The following FAR2 variants were observed in gnomAD, a reference collection of about 807,000 sequenced individuals.
FAR2 encodes the protein epididymis secretory protein Li 81.
FAR2 carries 19 observed loss-of-function variants against 56.0 expected under a neutral mutation model. That is an observed-to-expected ratio of 0.34 (90% confidence interval 0.24 to 0.50). FAR2 has a LOEUF of 0.50. FAR2 is among the 20% of genes least tolerant of loss of function. The probability of loss-of-function intolerance (pLI) is 0.98; values close to 1 mark genes in which losing one functional copy is unlikely to be tolerated. For synonymous variants in FAR2, 219 were observed against 218.8 expected (o/e 1.00, Z -0.01); for missense variants, 508 against 642.2 (o/e 0.79, Z 2.26).
rs78324406 is a variant in FAR2 at position 29,251,269 on chromosome 12, G to A, written c.-38-19143G>A. Among the ~76,000 whole-genome samples the A allele has an allele frequency of 6.8e-3, 1,033 of 152,284 alleles. 5 individuals carry two copies. The highest frequency in any genetic ancestry group is 0.017 in the Middle Eastern group (5 of 294). On this transcript the variant is annotated intron_variant, in intron 1 of 11. Transcript: ENST00000536681. Reference sequence around the variant, plus strand: ...GACCTAGAACCTTTTGAATGAAGTTGGGGCCAGGTCCCTTGAGGAAGGACC... The same window carrying A: ...GACCTAGAACCTTTTGAATGAAGTTAGGGCCAGGTCCCTTGAGGAAGGACC...
At chr12:29,223,671 G>A (rs1217730769) in intron 1 of FAR2, 1 of 152,172 alleles carries the variant, frequency 6.6e-6, no homozygotes, top group East Asian at 1.9e-4. Flanking sequence ...AGCCCACAGA[G>A]CCTTTCAATT....
intron 2 of FAR2, 195 bp from the exon 3 acceptor site, chr12:29,293,105 G>A (rs914731410): frequency 2.6e-5 from 11 of 416,572 alleles, no homozygotes; most frequent in Non-Finnish European, 4.7e-5. Context: ...GGGCTCAAGT[G>A]ATCTCCCTGC....
At chr12:29,245,136 AGTCC>A (rs1948106294) in intron 1 of FAR2, among the ~76,000 whole-genome samples, 1 of 152,126 alleles carries the variant, frequency 6.6e-6, no homozygotes, top group Admixed American at 6.5e-5. Context: ...ATGCGCCACC[AGTCC>A]CAGCTGATTT....
At chr12:29,268,019 AT>A (rs892544003) in intron 1 of FAR2, among the ~76,000 whole-genome samples, 1 of 152,112 alleles carries the variant, frequency 6.6e-6, no homozygotes, top group Non-Finnish European at 1.5e-5. Flanking sequence ...GTGCTGAAAA[AT>A]TTTTTTAGTA....
chr12:29,153,061 A>G (rs1949693866), intron 1 of FAR2, among the ~76,000 whole-genome samples: 1 of 152,246 alleles, frequency 6.6e-6, no homozygotes, highest in East Asian at 1.9e-4. Context: ...CATTCATGTA[A>G]TAAATAATTA....
chr12:29,191,010 G>A lies in FAR2; in HGVS notation c.-39+41603G>A, dbSNP rs555463288. 3.9e-4 allele frequency among the ~76,000 whole-genome samples: 59 copies of A among 152,240 alleles called. No individual in the cohort carries two copies. In the South Asian group the frequency reaches 0.012, roughly 30 times the overall value. ...AGGCTCCAATTGAAAACTCATTCCT[G>A]CCCCTGTCCTCATTTCCCTCCCTGG... On this transcript the variant is annotated intron_variant, in intron 1 of 11. Transcript: ENST00000536681.
chr12:29,253,882 C>A (rs1201970557), intron 1 of FAR2, among the ~76,000 whole-genome samples: 1 of 152,168 alleles, frequency 6.6e-6, no homozygotes, highest in Non-Finnish European at 1.5e-5. Flanking sequence ...ACATTCAATA[C>A]ATGTGTTTAA....
At chr12:29,161,505 A>G (rs12372311) in intron 1 of FAR2, among the ~76,000 whole-genome samples, 102,164 of 152,150 alleles carry the variant, frequency 0.67, 35,634 homozygotes, top group Non-Finnish European at 0.77. Flanking sequence ...TTGCTGTGTA[A>G]TACTCCATAC....
At chr12:29,295,671 A>G (rs114825046) in intron 3 of FAR2, among the ~76,000 whole-genome samples, 1,644 of 149,038 alleles carry the variant, frequency 0.011, 27 homozygotes, top group African/African-American at 0.039. Flanking sequence ...AATTTGATAT[A>G]TTTTAAACGT....
At chr12:29,330,522 C>T (rs1282803116) in intron 10 of FAR2, among the ~76,000 whole-genome samples, 3 of 152,080 alleles carry the variant, frequency 2.0e-5, no homozygotes, top group East Asian at 1.9e-4. Flanking sequence ...TACTTTCCTC[C>T]GAGTTCTAAG....
intron 10 of FAR2, among the ~76,000 whole-genome samples, chr12:29,331,179 A>G (rs188630567): frequency 6.7e-6 from 1 of 150,162 alleles, no homozygotes; most frequent in Non-Finnish European, 1.5e-5. Context: ...ACTTTCTTTC[A>G]CTGTACGTGA....
At chr12:29,315,589 T>C (rs1370530577) in intron 8 of FAR2, among the ~76,000 whole-genome samples, 3 of 152,108 alleles carry the variant, frequency 2.0e-5, no homozygotes, top group Non-Finnish European at 4.4e-5. Flanking sequence ...CAGGCTACAG[T>C]AGTGGTTTGG....
chr12:29,154,655 G>T (rs569445277), intron 1 of FAR2, among the ~76,000 whole-genome samples: 129 of 152,152 alleles, frequency 8.5e-4, no homozygotes, highest in African/African-American at 3.0e-3. Flanking sequence ...GGATGGTCTC[G>T]ATCTCCTGAC....
chr12:29,285,560 A>G (rs1321013820), intron 2 of FAR2, among the ~76,000 whole-genome samples: 2 of 151,954 alleles, frequency 1.3e-5, no homozygotes, highest in Non-Finnish European at 2.9e-5. Context: ...GGAAGAAGGA[A>G]GGGAGGGAAG....
At chr12:29,195,490 A>G (rs747640856) in intron 1 of FAR2, among the ~76,000 whole-genome samples, 3 of 152,204 alleles carry the variant, frequency 2.0e-5, no homozygotes, top group South Asian at 4.1e-4. Flanking sequence ...CCTAGTAATA[A>G]TTATGTGATG....
At chr12:29,192,392 C>G (rs945987826) in intron 1 of FAR2, among the ~76,000 whole-genome samples, 2 of 152,168 alleles carry the variant, frequency 1.3e-5, no homozygotes, top group African/African-American at 4.8e-5. Flanking sequence ...AAGAAGACTA[C>G]CTTGGAAAGG....
intron 1 of FAR2, among the ~76,000 whole-genome samples, chr12:29,252,197 C>G (rs955440095): frequency 6.6e-6 from 1 of 152,142 alleles, no homozygotes; most frequent in Non-Finnish European, 1.5e-5. Context: ...AAGAGTCTGT[C>G]TGAAATACAG....
chr12:29,254,254 C>T (rs1353655581), intron 1 of FAR2, among the ~76,000 whole-genome samples: 1 of 151,994 alleles, frequency 6.6e-6, no homozygotes, highest in Non-Finnish European at 1.5e-5. Flanking sequence ...AAGTTAATTG[C>T]TGAATTGAAT....
intron 1 of FAR2, among the ~76,000 whole-genome samples, chr12:29,206,277 C>T (rs1268473023): frequency 2.0e-5 from 3 of 152,180 alleles, no homozygotes; most frequent in African/African-American, 4.8e-5. Flanking sequence ...AACATTCCTT[C>T]GAGATTTGGT....
Sources: allele counts gnomAD v4.1 joint callset (sites outside exome capture counted in the v4.1 genomes callset), GRCh38; gene constraint gnomAD v4.1.1; transcripts MANE v1.5; gene names NCBI Gene and HGNC (gene_info 2026-07-23, HGNC 2026-07-21).